Variants in EIF3M observed in about 807,000 individuals in gnomAD.
EIF3M encodes the protein eukaryotic translation initiation factor 3 subunit M.
EIF3M carries 25 observed loss-of-function variants against 49.7 expected under a neutral mutation model. The ratio of observed to expected loss-of-function variants is 0.50; its 90% CI spans 0.37 to 0.70. The LOEUF (loss-of-function observed/expected upper bound fraction) is 0.70. Ranked by LOEUF, EIF3M falls within the 30% of genes least tolerant of loss-of-function variation. The probability of loss-of-function intolerance (pLI) is 0.00; values close to 1 mark genes in which losing one functional copy is unlikely to be tolerated. For synonymous variants in EIF3M, 156 were observed against 149.8 expected, an observed-to-expected ratio of 1.04 and a Z score of -0.30; for missense variants, 350 against 440.0, an observed-to-expected ratio of 0.80 and a Z score of 1.83.
intron 5 of EIF3M, 147 bp from the exon 6 acceptor site, chr11:32,593,719 G>T (rs1474354207): frequency 6.9e-6 from 3 of 436,156 alleles, no homozygotes; most frequent in Non-Finnish European, 1.2e-5. Context: ...TAAAAGGAAG[G>T]TTTTATGACT....
At chr11:32,592,580 A>G (rs2133198142) in intron 5 of EIF3M, 2 of 541,478 alleles carry the variant, frequency 3.7e-6, no homozygotes, top group Middle Eastern at 7.9e-4. Context: ...CCACCTCTTC[A>G]ACACAAGAGT....
At chr11:32,595,914 A>G in intron 7 of EIF3M, 52 bp from the exon 8 acceptor site, 2 of 1,275,904 alleles carry the variant, frequency 1.6e-6, no homozygotes, top group Admixed American at 2.4e-5. Context: ...ATATCTTACA[A>G]TAAATCTGAA....
intron 8 of EIF3M, among the ~76,000 whole-genome samples, chr11:32,596,981 C>T (rs893857578): frequency 6.6e-6 from 1 of 151,990 alleles, no homozygotes; most frequent in Non-Finnish European, 1.5e-5. Flanking sequence ...AACTTTAGGC[C>T]CTTCCAGCTC....
Position 32,589,156 on chromosome 11 carries a change from G to A in EIF3M, c.438+21G>A, listed in dbSNP as rs921877779. ...ATCAAGTGAGTTACTGTGTGGAATA[G>A]TTGTTCTGCTTATAAGAAATGTACT... On this transcript the variant is annotated intron_variant, in intron 4 of 10. Coordinates refer to ENST00000531120, the MANE Select transcript of EIF3M (RefSeq NM_006360.6). The A allele has an allele frequency of 1.9e-6, 3 of 1,606,094 alleles. No homozygotes were observed. In the African/African-American group the frequency reaches 4.1e-5, roughly 22 times the overall value.
intron 1 of EIF3M, among the ~76,000 whole-genome samples, chr11:32,584,628 A>AAAAAAAAAAAAT (rs71063745): frequency 6.7e-6 from 1 of 149,528 alleles, no homozygotes; most frequent in Non-Finnish European, 1.5e-5. Flanking sequence ...AAAAAAAAAA[A>AAAAAAAAAAAAT]GATCAAAACG....
At position 32,593,944 on chromosome 11, in the gene EIF3M, C is replaced by A. The variant is rs756528058; in HGVS notation, c.612C>A (p.Ala204=). 2.6e-6 allele frequency: 4 copies of A among 1,535,338 alleles called. No homozygotes were observed. The South Asian group carries it at 5.1e-5, about 19-fold the overall frequency. ...EDNASQARVD[A]HRCIVRALKD... is the part of the protein sequence containing the mutation. ...ATGCTTCCCAGGCTCGAGTTGATGCCCACAGGTAATGTTAAACGTTACTCT... is the reference window on the plus strand; with the variant it reads ...ATGCTTCCCAGGCTCGAGTTGATGCACACAGGTAATGTTAAACGTTACTCT... Residue 204 remains alanine, a synonymous_variant, in exon 6 of 11, where the codon GCC becomes GCA. Coordinates refer to ENST00000531120, the MANE Select transcript of EIF3M (RefSeq NM_006360.6).
rs566568089 is a variant in EIF3M, at chr11:32,601,039, G to A, written c.943+207G>A. On this transcript the variant is annotated intron_variant, in intron 9 of 10. Coordinates refer to ENST00000531120, the MANE Select transcript of EIF3M (RefSeq NM_006360.6). ...GCTATATTCTATCCCTTGAAATCACGTAGAACAAAGACGTTTAGGCAATAC... is the reference window on the plus strand; with the variant it reads ...GCTATATTCTATCCCTTGAAATCACATAGAACAAAGACGTTTAGGCAATAC... The A allele has an allele frequency of 2.6e-5, 12 of 467,556 alleles. 1 individual carries two copies. The South Asian group carries it at 3.1e-4, about 12-fold the overall frequency. The allele number at this position is 467,556 out of a possible 1,614,324, so 29.0% of individuals were successfully genotyped here.
chr11:32,584,208 G>A, intron 1 of EIF3M: 1 of 498,452 alleles, frequency 2.0e-6, no homozygotes, highest in Admixed American at 3.5e-5. Context: ...GACTGATGAG[G>A]AATGATGTCT....
rs752140850 is a variant in EIF3M at position 32,583,838 on chromosome 11, G to A, written c.-50G>A. The A allele has an allele frequency of 2.6e-5, 41 of 1,599,390 alleles. No homozygotes were observed. The Admixed American group carries it at 5.9e-4, about 23-fold the overall frequency. On this transcript the variant is annotated 5_prime_UTR_variant, in exon 1 of 11. Transcript: ENST00000531120. ...GTCGCGCGGCCCAGTTCCCTTTTCC[G>A]GTCGGCGTGGTCTTGCGAGTGGAGT...
At chr11:32,587,265 G>T in intron 2 of EIF3M, 121 bp downstream of exon 2, 3 of 971,162 alleles carry the variant, frequency 3.1e-6, no homozygotes, top group Non-Finnish European at 2.9e-6. Context: ...GATACAGAAG[G>T]CTGACTGTAT....
At position 32,590,570 on chromosome 11, in the gene EIF3M, T is replaced by C. The variant is rs371300209; in HGVS notation, c.533+929T>C. On this transcript the variant is annotated intron_variant, in intron 5 of 10. Transcript: ENST00000531120. ...GGCAAGGAACCTCATCTGTAAACCA[T>C]TGCATTCCCAAGAAGATAGCACTTA... Among the ~76,000 whole-genome samples, 81 of 152,276 alleles carry C rather than the reference T, an allele frequency of 5.3e-4. 1 individual carries two copies. The highest frequency in any genetic ancestry group is 1.8e-3 in the African/African-American group (75 of 41,566).
At position 32,592,985 on chromosome 11, in the gene EIF3M, GTTACCA is replaced by G. The variant is rs549168744; in HGVS notation, c.534-880_534-875del. 2.1e-4 allele frequency among the ~76,000 whole-genome samples: 32 copies of G among 152,328 alleles called. 1 individual carries two copies. In the South Asian group the frequency reaches 6.4e-3, roughly 31 times the overall value. ...TTATATCACTACATTTAAGATGCGG[GTTACCA>G]CTTAGCCATGCCTACAGTGGTATTT... On this transcript the variant is annotated intron_variant, in intron 5 of 10. Coordinates refer to ENST00000531120, the MANE Select transcript of EIF3M (RefSeq NM_006360.6).
At chr11:32,601,865 G>A in intron 10 of EIF3M, 43 bp downstream of exon 10, 5 of 1,593,674 alleles carry the variant, frequency 3.1e-6, no homozygotes, top group Non-Finnish European at 4.3e-6. Context: ...GAACGATTTA[G>A]TTTGTTCCGA....
In EIF3M at chr11:32,590,981, G is replaced by A. The variant is rs556968799; in HGVS notation, c.533+1340G>A. Among the ~76,000 whole-genome samples, 479 of 152,196 alleles carry A rather than the reference G, an allele frequency of 3.1e-3. 2 individuals carry two copies. The highest frequency in any genetic ancestry group is 0.011 in the African/African-American group (464 of 41,532). ...TTCTCCTGCCTCAGCCTCCTGAGCA[G>A]CTGGGACCACAGTTGCCGCCGCCAC... On this transcript the variant is annotated intron_variant, in intron 5 of 10. Coordinates refer to ENST00000531120, the MANE Select transcript of EIF3M (RefSeq NM_006360.6).
chr11:32,598,769 G>C (rs915935709), intron 8 of EIF3M, among the ~76,000 whole-genome samples: 2 of 151,902 alleles, frequency 1.3e-5, no homozygotes, highest in African/African-American at 4.8e-5. Flanking sequence ...AGAAATTTCA[G>C]AAGTTTCTAT....
intron 6 of EIF3M, chr11:32,594,658 A>C (rs1855152458): frequency 3.2e-6 from 1 of 316,786 alleles, no homozygotes; most frequent in African/African-American, 2.2e-5. Context: ...GCTGCTGCTT[A>C]CTATTTGATT....
rs930435890 is a variant in EIF3M at position 32,603,852 on chromosome 11, A to T, written c.*1453A>T. 1.3e-5 allele frequency: 2 copies of T among 152,244 alleles called. No individual in the cohort carries two copies. Among genetic ancestry groups the T allele is most frequent in the Non-Finnish European group, 2.9e-5 (2 of 68,104 alleles). 9.4% of individuals were successfully genotyped at this position (152,244 alleles called of 1,614,324 possible). ...CACTTTGGGAAACTGAGGCGAGTGG[A>T]TTGCATGAGCTCAGGAGTCGAAAAC... On this transcript the variant is annotated 3_prime_UTR_variant, in exon 11 of 11. Coordinates refer to ENST00000531120, the MANE Select transcript of EIF3M (RefSeq NM_006360.6).
At chr11:32,588,898 T>G (rs1855048134) in intron 3 of EIF3M, 114 bp from the exon 4 acceptor site, 1 of 1,533,604 alleles carries the variant, frequency 6.5e-7, no homozygotes, top group African/African-American at 1.4e-5. Context: ...AGTTTCCTCC[T>G]TTGTAATATG....
At chr11:32,593,734 C>T in intron 5 of EIF3M, 132 bp from the exon 6 acceptor site, 1 of 501,366 alleles carries the variant, frequency 2.0e-6, no homozygotes, top group Non-Finnish European at 3.2e-6. Context: ...ATGACTTTTC[C>T]CATAGACAGG....
Sources: allele counts gnomAD v4.1 joint callset (sites outside exome capture counted in the v4.1 genomes callset), GRCh38; gene constraint gnomAD v4.1.1; transcripts MANE v1.5; gene names NCBI Gene and HGNC (gene_info 2026-07-23, HGNC 2026-07-21).